SLCO4A1: variants seen among roughly 807,000 people sequenced by gnomAD.
SLCO4A1 encodes the protein solute carrier organic anion transporter family member 4A1.
In SLCO4A1, 51 loss-of-function variants were observed where a neutral mutation model predicts 64.6. The ratio of observed to expected loss-of-function variants is 0.79; its 90% CI spans 0.63 to 1.00. The LOEUF is 1.00. Among genes scored for constraint, SLCO4A1 ranks in the 50% least tolerant of loss-of-function variants. The pLI, the probability that SLCO4A1 is intolerant of heterozygous loss-of-function variation, is 0.00. For synonymous variants in SLCO4A1, 471 were observed against 444.9 expected, an observed-to-expected ratio of 1.06 and a Z score of -0.74; for missense variants, 919 against 980.5, an observed-to-expected ratio of 0.94 and a Z score of 0.84.
At chr20:62,674,924 T>C (rs1987516568), downstream of SLCO4A1, among the ~76,000 whole-genome samples, 3 of 152,168 alleles carry the variant, frequency 2.0e-5, no homozygotes, top group Non-Finnish European at 4.4e-5. Context: ...GACTCCAGAA[T>C]GTGGGTAAGG....
chr20:62,660,517 C>T lies in SLCO4A1; in HGVS notation c.993C>T (p.Tyr331=), dbSNP rs995783415. ...TCACCGCCGTTCCCATCCTTGGTTACCCTCGGCAGCTGCCAGGTGGGTTTC... is the reference window on the plus strand; with the variant it reads ...TCACCGCCGTTCCCATCCTTGGTTATCCTCGGCAGCTGCCAGGTGGGTTTC... ...AFFTAVPILG[Y]PRQLPGSQRY... Residue 331 remains tyrosine (Y), a synonymous_variant, in exon 4 of 12, where the codon TAC becomes TAT. Transcript: ENST00000217159. 1.2e-6 allele frequency: 2 copies of T among 1,605,342 alleles called. No homozygotes were observed. Among genetic ancestry groups the T allele is most frequent in the South Asian group, 1.1e-5 (1 of 91,094 alleles).
chr20:62,687,738 C>A (rs1600705828), downstream of SLCO4A1, among the ~76,000 whole-genome samples: 1 of 152,200 alleles, frequency 6.6e-6, no homozygotes, highest in South Asian at 2.1e-4. Context: ...AGGACGACAC[C>A]GGCTTCCCTG....
intron 1 of SLCO4A1, among the ~76,000 whole-genome samples, chr20:62,654,024 G>A (rs561771109): frequency 3.1e-4 from 47 of 152,162 alleles, no homozygotes; most frequent in African/African-American, 1.0e-3. Context: ...ATGTACCCTA[G>A]AACTTAAAGT....
At position 62,656,685 on chromosome 20, in the gene SLCO4A1, C is replaced by T. The variant is rs758162915; in HGVS notation, c.231C>T (p.Tyr77=). 11 of 1,608,592 alleles carry T rather than the reference C, an allele frequency of 6.8e-6. No individual in the cohort carries two copies. The highest frequency in any genetic ancestry group is 2.7e-5 in the African/African-American group (2 of 74,856). The stretch of plus-strand genomic sequence containing the variant: ...CCCGGGGGACCCATGAGGTGCGGTA[C>T]GTCTCGGCCGGGCAGAGCGTGGCGT... ...HGARGTHEVR[Y]VSAGQSVACG... Residue 77 remains tyrosine (Y), a synonymous_variant, in exon 2 of 12, where the codon TAC becomes TAT. Coordinates refer to ENST00000217159, the MANE Select transcript of SLCO4A1 (RefSeq NM_016354.4).
chr20:62,658,611 C>T, intron 2 of SLCO4A1, 66 bp from the exon 3 acceptor site: 2 of 1,345,444 alleles, frequency 1.5e-6, no homozygotes, highest in Non-Finnish European at 1.0e-6. Context: ...GGCACGGGGC[C>T]CCACACGGCC....
intron 11 of SLCO4A1, among the ~76,000 whole-genome samples, chr20:62,671,145 G>A (rs766524068): frequency 1.3e-5 from 2 of 152,230 alleles, no homozygotes; most frequent in South Asian, 4.1e-4. Context: ...TGGTGGCACC[G>A]GGGCTTGAAC....
intron 1 of SLCO4A1, among the ~76,000 whole-genome samples, chr20:62,646,397 G>T (rs371389042): frequency 6.6e-6 from 1 of 152,260 alleles, no homozygotes; most frequent in East Asian, 1.9e-4. Flanking sequence ...TTCCCCAGAG[G>T]ACAAAGAGAG....
Position 62,685,370 on chromosome 20 carries a change from C to A in SLCO4A1, n.212-71C>A. On this transcript the variant is annotated intron_variant and non_coding_transcript_variant, in intron 2 of 2. Transcript: ENST00000466818. The surrounding 1 kb of genome is among the most constrained non-coding windows in gnomAD (Gnocchi z 4.6). ...TGGGTTCGTGGGGCAACTGCACCCGCTCCCTTCCACTCTGCTGTGGCCTGA... is the reference window on the plus strand; with the variant it reads ...TGGGTTCGTGGGGCAACTGCACCCGATCCCTTCCACTCTGCTGTGGCCTGA... 1.2e-6 allele frequency: 1 copy of A among 859,224 alleles called. No individual in the cohort carries two copies. The highest frequency in any genetic ancestry group is 1.4e-6 in the Non-Finnish European group (1 of 714,780). The allele number at this position is 859,224 out of a possible 1,614,324, so 53.2% of individuals were successfully genotyped here.
chr20:62,674,998 T>C (rs1167736870), downstream of SLCO4A1, among the ~76,000 whole-genome samples: 1 of 152,166 alleles, frequency 6.6e-6, no homozygotes, highest in Non-Finnish European at 1.5e-5. Context: ...ACGGAGGCTG[T>C]AGAGTTTCGA....
intron 5 of SLCO4A1, among the ~76,000 whole-genome samples, chr20:62,664,444 G>A (rs1367281128): frequency 6.6e-6 from 1 of 152,176 alleles, no homozygotes; most frequent in African/African-American, 2.4e-5. Context: ...GGGCCTGTCC[G>A]GTCCTGGACT....
intron 2 of SLCO4A1, among the ~76,000 whole-genome samples, chr20:62,683,587 C>A (rs1311157007): frequency 2.6e-5 from 4 of 152,172 alleles, no homozygotes; most frequent in African/African-American, 7.2e-5. Flanking sequence ...TGTTGGTGCA[C>A]CTTTTCTAGG....
chr20:62,688,986 GCA>G (rs1988148370), downstream of SLCO4A1, among the ~76,000 whole-genome samples: 1 of 152,242 alleles, frequency 6.6e-6, no homozygotes, highest in East Asian at 1.9e-4. Flanking sequence ...AAAAGCTCGA[GCA>G]CAGTTAATTT....
At chr20:62,688,089 C>T (rs758179202), downstream of SLCO4A1, among the ~76,000 whole-genome samples, 1 of 151,472 alleles carries the variant, frequency 6.6e-6, no homozygotes, top group African/African-American at 2.4e-5. Context: ...AACTTCATTG[C>T]CTTCCAGGCT....
At chr20:62,668,565 A>G (rs1276507802) in intron 10 of SLCO4A1, 24 bp downstream of exon 10, 9 of 1,598,124 alleles carry the variant, frequency 5.6e-6, no homozygotes, top group Non-Finnish European at 7.7e-6. Context: ...TGAGGAAGCC[A>G]TGGTCAGTTG....
intron 7 of SLCO4A1, chr20:62,667,364 C>A: frequency 4.6e-6 from 1 of 215,678 alleles, no homozygotes; most frequent in South Asian, 1.0e-4. Flanking sequence ...GGCTGGAGAA[C>A]CGAGGACTGG....
At chr20:62,667,595 C>G in intron 7 of SLCO4A1, 150 bp from the exon 8 acceptor site, 1 of 867,682 alleles carries the variant, frequency 1.2e-6, no homozygotes, top group Non-Finnish European at 1.8e-6. Flanking sequence ...GTGTGAGTGC[C>G]CAGCGTGCTG....
chr20:62,671,229 G>A (rs564808186), intron 11 of SLCO4A1, among the ~76,000 whole-genome samples: 11 of 152,232 alleles, frequency 7.2e-5, no homozygotes, highest in East Asian at 1.9e-4. Context: ...GACCGCAAGC[G>A]GGGTGGCCTG....
intron 11 of SLCO4A1, 86 bp from the exon 12 acceptor site, chr20:62,671,664 C>A: frequency 7.8e-7 from 1 of 1,285,920 alleles, no homozygotes; most frequent in Non-Finnish European, 1.1e-6. Context: ...CAGGCTGGGG[C>A]AGGGACAGGA....
At chr20:62,679,253 G>A (rs575555693) in intron 2 of SLCO4A1, among the ~76,000 whole-genome samples, 14 of 152,286 alleles carry the variant, frequency 9.2e-5, no homozygotes, top group Admixed American at 2.0e-4. Flanking sequence ...TCTGGGTCAC[G>A]AAGCTATCTG....
Sources: allele counts gnomAD v4.1 joint callset (sites outside exome capture counted in the v4.1 genomes callset), GRCh38; gene constraint gnomAD v4.1.1; non-coding constraint Gnocchi (gnomAD v3.1); transcripts MANE v1.5; gene names NCBI Gene and HGNC (gene_info 2026-07-23, HGNC 2026-07-21).